The following CNTNAP2 variants were observed in gnomAD, a reference collection of about 807,000 sequenced individuals.
CNTNAP2 encodes contactin associated protein 2, also known as contactin-associated protein-like 2.
CNTNAP2 carries 98 observed loss-of-function variants against 155.2 expected under a neutral mutation model. The observed-to-expected ratio is 0.63, with a 90% CI of 0.54 to 0.75. The LOEUF (loss-of-function observed/expected upper bound fraction) is 0.75, where lower values mean the gene tolerates loss of function less well. Among genes scored for constraint, CNTNAP2 ranks in the 30% least tolerant of loss-of-function variants. The pLI, the probability that CNTNAP2 is intolerant of heterozygous loss-of-function variation, is 0.00. For synonymous variants in CNTNAP2, 651 were observed against 631.2 expected (o/e 1.03, Z -0.47); for missense variants, 1,727 against 1,688.1 (o/e 1.02, Z -0.40).
intron 3 of CNTNAP2, among the ~76,000 whole-genome samples, chr7:146,921,118 C>T (rs1796489688): frequency 6.6e-6 from 1 of 151,952 alleles, no homozygotes; most frequent in Non-Finnish European, 1.5e-5. Context: ...CATTGGTTTC[C>T]TGGGGCATGC....
intron 1 of CNTNAP2, among the ~76,000 whole-genome samples, chr7:146,677,463 G>A (rs1800421574): frequency 6.6e-6 from 1 of 152,114 alleles, no homozygotes; most frequent in African/African-American, 2.4e-5. Context: ...GTGGTAACAA[G>A]GCATATTTTC....
intron 9 of CNTNAP2, among the ~76,000 whole-genome samples, chr7:147,304,303 T>C (rs1584858923): frequency 6.6e-6 from 1 of 152,204 alleles, no homozygotes. Flanking sequence ...TAACATGTTT[T>C]ATTTTCCTCC....
At chr7:147,983,520 C>T (rs1801568798) in intron 15 of CNTNAP2, among the ~76,000 whole-genome samples, 1 of 152,108 alleles carries the variant, frequency 6.6e-6, no homozygotes, top group South Asian at 2.1e-4. Context: ...AGATGAGTGG[C>T]CATGGCCCAA....
chr7:147,504,518 A>G (rs7781506), intron 11 of CNTNAP2, among the ~76,000 whole-genome samples: 73,705 of 151,348 alleles, frequency 0.49, 18,712 homozygotes, highest in Non-Finnish European at 0.57. Flanking sequence ...GTGAAACCTC[A>G]TCTCTACTAA....
intron 3 of CNTNAP2, among the ~76,000 whole-genome samples, chr7:146,943,716 G>C (rs1040333717): frequency 6.6e-6 from 1 of 152,122 alleles, no homozygotes; most frequent in African/African-American, 2.4e-5. Flanking sequence ...AGCACTTCGA[G>C]CATCACTAGT....
chr7:147,800,170 A>G (rs948289784), intron 13 of CNTNAP2, among the ~76,000 whole-genome samples: 1 of 152,164 alleles, frequency 6.6e-6, no homozygotes, highest in Non-Finnish European at 1.5e-5. Flanking sequence ...TATACTCCCA[A>G]GTGTCAGATT....
intron 12 of CNTNAP2, among the ~76,000 whole-genome samples, chr7:147,596,192 A>G (rs1361209109): frequency 2.0e-5 from 3 of 152,158 alleles, no homozygotes; most frequent in Non-Finnish European, 4.4e-5. Context: ...CATTTAGACA[A>G]AAAACTGGCA....
chr7:146,144,629 T>C (rs1032579827), intron 1 of CNTNAP2, among the ~76,000 whole-genome samples: 10 of 152,224 alleles, frequency 6.6e-5, no homozygotes, highest in African/African-American at 2.4e-5. Flanking sequence ...TTGTTATTCA[T>C]TGACATTTCA....
At position 147,844,923 on chromosome 7, in the gene CNTNAP2, C is replaced by G. The variant is rs1370298862; in HGVS notation, c.2099-58642C>G. On this transcript the variant is annotated intron_variant, in intron 13 of 23. Transcript: ENST00000361727. ...TATTGATTTGCGTATATTGAACCAG[C>G]CTTGCATCCCAGGGATGAAGCTGAC... Among the ~76,000 whole-genome samples the G allele has an allele frequency of 7.1e-3, 1,021 of 144,112 alleles. 18 individuals are homozygous for G. Among genetic ancestry groups the G allele is most frequent in the African/African-American group, 0.025 (973 of 39,656 alleles). 94.5% of individuals were successfully genotyped at this position (144,112 alleles called of 152,430 possible). A position where few individuals can be genotyped will look rare whatever the true frequency, so the allele number is the denominator to read the frequency against.
At chr7:148,220,089 G>A (rs1396284359) in intron 19 of CNTNAP2, among the ~76,000 whole-genome samples, 1 of 152,182 alleles carries the variant, frequency 6.6e-6, no homozygotes, top group African/African-American at 2.4e-5. Context: ...TCATCATGAA[G>A]ATGTTCATCA....
chr7:146,375,092 G>T (rs1795286986), intron 1 of CNTNAP2, among the ~76,000 whole-genome samples: 1 of 152,160 alleles, frequency 6.6e-6, no homozygotes, highest in African/African-American at 2.4e-5. Context: ...CTTCACTTGT[G>T]TTCACAAAAA....
chr7:146,989,825 C>T lies in CNTNAP2; in HGVS notation c.403-54082C>T, dbSNP rs143343553. On this transcript the variant is annotated intron_variant, in intron 3 of 23. Transcript: ENST00000361727. ...CAACAGAATAAAATGCATTTCTTAGCTTATGATTCAAGAACAACCACTGTC... is the reference window on the plus strand; with the variant it reads ...CAACAGAATAAAATGCATTTCTTAGTTTATGATTCAAGAACAACCACTGTC... Among the ~76,000 whole-genome samples, 358 of 152,192 alleles carry T rather than the reference C, an allele frequency of 2.4e-3. 1 individual carries two copies. The highest frequency in any genetic ancestry group is 7.5e-3 in the African/African-American group (311 of 41,540).
At chr7:147,162,369 A>G (rs1802043488) in intron 8 of CNTNAP2, among the ~76,000 whole-genome samples, 1 of 152,230 alleles carries the variant, frequency 6.6e-6, no homozygotes, top group Admixed American at 6.5e-5. Flanking sequence ...AAAATTAAAA[A>G]AAGACTGTTT....
At chr7:147,045,784 G>A (rs1392677723) in intron 4 of CNTNAP2, among the ~76,000 whole-genome samples, 2 of 151,902 alleles carry the variant, frequency 1.3e-5, no homozygotes, top group Non-Finnish European at 2.9e-5. Context: ...TAAGAGCCAT[G>A]TTTAACTTTT....
In CNTNAP2 at chr7:146,386,984, G is replaced by A. The variant is rs57202600; in HGVS notation, c.97+270011G>A. Reference sequence around the variant, plus strand: ...AGAACTCACCAAGTGAAGGGAGAATGCCCCTAAAATAGAGAAGCCAAAGAC... The same window carrying A: ...AGAACTCACCAAGTGAAGGGAGAATACCCCTAAAATAGAGAAGCCAAAGAC... On this transcript the variant is annotated intron_variant, in intron 1 of 23. Transcript: ENST00000361727. 2.0e-5 allele frequency among the ~76,000 whole-genome samples: 3 copies of A among 152,196 alleles called. No homozygotes were observed. The East Asian group carries it at 5.8e-4, about 29-fold the overall frequency.
At position 147,579,801 on chromosome 7, in the gene CNTNAP2, A is replaced by T. The variant is rs144329885; in HGVS notation, c.1897+17544A>T. ...CATCATATTGTTTAGATATATCATAATGCAATATCATATGAAATGATATTT... is the reference window on the plus strand; with the variant it reads ...CATCATATTGTTTAGATATATCATATTGCAATATCATATGAAATGATATTT... On this transcript the variant is annotated intron_variant, in intron 12 of 23. Transcript: ENST00000361727. 2.6e-5 allele frequency among the ~76,000 whole-genome samples: 4 copies of T among 152,268 alleles called. No homozygotes were observed. In the East Asian group the frequency reaches 7.7e-4, roughly 29 times the overall value.
chr7:146,658,666 T>G (rs1585028681), intron 1 of CNTNAP2, among the ~76,000 whole-genome samples: 1 of 152,148 alleles, frequency 6.6e-6, no homozygotes, highest in Non-Finnish European at 1.5e-5. Flanking sequence ...ATGATGCAAA[T>G]TCATGAGAAA....
intron 1 of CNTNAP2, among the ~76,000 whole-genome samples, chr7:146,121,202 C>A (rs57803156): frequency 0.17 from 23,012 of 134,466 alleles, 1,929 homozygotes; most frequent in Middle Eastern, 0.21. Context: ...GATCTCAGTT[C>A]ACTGCAAGCT....
intron 1 of CNTNAP2, among the ~76,000 whole-genome samples, chr7:146,702,795 G>A (rs191933580): frequency 8.5e-5 from 13 of 152,174 alleles, no homozygotes; most frequent in Admixed American, 8.5e-4. Flanking sequence ...AAAAATTAAT[G>A]TTGTGTGCTT....
Sources: allele counts gnomAD v4.1 joint callset (sites outside exome capture counted in the v4.1 genomes callset), GRCh38; gene constraint gnomAD v4.1.1; transcripts MANE v1.5; gene names NCBI Gene and HGNC (gene_info 2026-07-23, HGNC 2026-07-21).